Variants in DCP1A observed in about 807,000 individuals in gnomAD.
DCP1A encodes decapping mRNA 1A, also known as mRNA-decapping enzyme 1A.
A neutral mutation model predicts 58.0 loss-of-function variants in DCP1A; 20 were observed. The observed-to-expected ratio is 0.34, with a 90% CI of 0.24 to 0.50. DCP1A has a LOEUF of 0.50. DCP1A is among the 20% of genes least tolerant of loss of function. The pLI is 0.98. For synonymous variants in DCP1A, 285 were observed against 275.1 expected (o/e 1.04, Z -0.36); for missense variants, 613 against 712.2 (o/e 0.86, Z 1.59).
chr3:53,333,880 C>G (rs1156455399), intron 3 of DCP1A, among the ~76,000 whole-genome samples: 2 of 152,136 alleles, frequency 1.3e-5, no homozygotes, highest in South Asian at 2.1e-4. Flanking sequence ...GAGACACCAG[C>G]CTTTTTTGCT....
intron 3 of DCP1A, among the ~76,000 whole-genome samples, chr3:53,329,694 G>A (rs1034205808): frequency 5.3e-5 from 8 of 152,152 alleles, no homozygotes; most frequent in African/African-American, 1.9e-4. Context: ...TTCGGGAAAT[G>A]TCTGTGTTCT....
At chr3:53,340,918 A>G (rs2089192415) in intron 3 of DCP1A, among the ~76,000 whole-genome samples, 1 of 152,158 alleles carries the variant, frequency 6.6e-6, no homozygotes, top group African/African-American at 2.4e-5. Flanking sequence ...TAACTCTCCA[A>G]CAGGGTAATA....
Position 53,347,372 on chromosome 3 carries a change from G to T in DCP1A, c.135+11C>A. ...GCCGGGTGGCCGTCCTCAGGGCCAG[G>T]CGGCACTCACCCACTGGTTGGCCTT... On this transcript the variant is annotated intron_variant, in intron 1 of 9. Transcript: ENST00000610213. The T allele has an allele frequency of 1.3e-6, 2 of 1,579,042 alleles. No individual in the cohort carries two copies. Among genetic ancestry groups the T allele is most frequent in the Non-Finnish European group, 1.7e-6 (2 of 1,162,922 alleles).
At chr3:53,316,019 G>A (rs938338679) in intron 4 of DCP1A, among the ~76,000 whole-genome samples, 3 of 151,982 alleles carry the variant, frequency 2.0e-5, no homozygotes, top group African/African-American at 7.3e-5. Flanking sequence ...CTCCCAAAGC[G>A]CTGGGATTAC....
intron 1 of DCP1A, 102 bp downstream of exon 1, chr3:53,347,281 C>G (rs561645294): frequency 7.4e-7 from 1 of 1,352,210 alleles, no homozygotes; most frequent in Non-Finnish European, 9.6e-7. Flanking sequence ...TCTCCACCGC[C>G]CTGGCCTCTT....
intron 6 of DCP1A, among the ~76,000 whole-genome samples, chr3:53,300,268 A>G (rs917273043): frequency 7.9e-5 from 12 of 151,340 alleles, no homozygotes; most frequent in African/African-American, 2.9e-4. Flanking sequence ...ACGCAGTGCT[A>G]TTGTTGAAAG....
intron 5 of DCP1A, among the ~76,000 whole-genome samples, chr3:53,308,991 G>A (rs2106829494): frequency 6.6e-6 from 1 of 152,148 alleles, no homozygotes; most frequent in Non-Finnish European, 1.5e-5. Context: ...GCACCCCCCT[G>A]ACCAAAATCC....
At chr3:53,327,720 G>C (rs557954040) in intron 3 of DCP1A, among the ~76,000 whole-genome samples, 2 of 151,938 alleles carry the variant, frequency 1.3e-5, no homozygotes, top group East Asian at 1.9e-4. Context: ...GAGCCTGGGA[G>C]GCAGAGGTTG....
chr3:53,320,883 G>C (rs1258001843), intron 3 of DCP1A, among the ~76,000 whole-genome samples: 1 of 152,230 alleles, frequency 6.6e-6, no homozygotes, highest in Admixed American at 6.5e-5. Context: ...AGAAGTCATA[G>C]AAGACTGCTG....
chr3:53,287,992 C>G (rs1369940577), intron 9 of DCP1A, 73 bp downstream of exon 9: 79 of 1,408,840 alleles, frequency 5.6e-5, no homozygotes, highest in Non-Finnish European at 7.0e-5. Context: ...TGAACTGATT[C>G]TGTAAGAGGA....
chr3:53,283,597 C>T lies in DCP1A; in HGVS notation c.*3983G>A, dbSNP rs1046449614. On this transcript the variant is annotated 3_prime_UTR_variant, in exon 10 of 10. Coordinates refer to ENST00000610213, the MANE Select transcript of DCP1A (RefSeq NM_018403.7). The stretch of plus-strand genomic sequence containing the variant: ...TAAAAATGTTAATGATACAGTATTG[C>T]GCTCATGGAACAAAAATCTTGCTGT... 3 of 152,162 alleles carry T rather than the reference C, an allele frequency of 2.0e-5. No individual in the cohort carries two copies. Among genetic ancestry groups the T allele is most frequent in the African/African-American group, 4.8e-5 (2 of 41,442 alleles). The allele number at this position is 152,162 out of a possible 1,614,324, so 9.4% of individuals were successfully genotyped here.
chr3:53,326,467 C>T (rs1553690578), intron 3 of DCP1A, among the ~76,000 whole-genome samples: 2 of 152,214 alleles, frequency 1.3e-5, no homozygotes, highest in Non-Finnish European at 1.5e-5. Context: ...TCCCCAACCT[C>T]AGGGTCACGG....
intron 1 of DCP1A, 42 bp downstream of exon 1, chr3:53,347,341 G>C (rs782118493): frequency 5.3e-6 from 8 of 1,505,238 alleles, no homozygotes; most frequent in Non-Finnish European, 7.1e-6. Flanking sequence ...TTAAGAGACG[G>C]CAGCGGCCGG....
intron 3 of DCP1A, among the ~76,000 whole-genome samples, chr3:53,328,194 A>G (rs1575614993): frequency 6.6e-6 from 1 of 152,088 alleles, no homozygotes; most frequent in South Asian, 2.1e-4. Flanking sequence ...AGTGACTCAG[A>G]CCTGCCTGGA....
Position 53,312,398 on chromosome 3 carries a change from GT to G in DCP1A, c.372-20del. The stretch of plus-strand genomic sequence containing the variant: ...TACCACACTAGAGGAGAAGAACAAG[GT>G]TTTAGAAAGGCCTCTTGAAACAAAA... On this transcript the variant is annotated intron_variant, in intron 4 of 9. Transcript: ENST00000610213. 1.3e-6 allele frequency: 2 copies of G among 1,543,656 alleles called. No homozygotes were observed. The highest frequency in any genetic ancestry group is 1.2e-5 in the South Asian group (1 of 81,584).
At chr3:53,318,148 C>G (rs1235991858) in intron 4 of DCP1A, among the ~76,000 whole-genome samples, 9 of 152,066 alleles carry the variant, frequency 5.9e-5, no homozygotes, top group Middle Eastern at 6.8e-3. Flanking sequence ...TACCCACCCC[C>G]CAAAAAATTA....
intron 4 of DCP1A, among the ~76,000 whole-genome samples, chr3:53,316,846 CTTCTT>C (rs1465839907): frequency 6.6e-6 from 1 of 152,140 alleles, no homozygotes; most frequent in African/African-American, 2.4e-5. Context: ...CCCCAATGCT[CTTCTT>C]TTCCCTTCCA....
intron 6 of DCP1A, among the ~76,000 whole-genome samples, chr3:53,303,832 C>T (rs1707382977): frequency 6.6e-6 from 1 of 152,144 alleles, no homozygotes; most frequent in African/African-American, 2.4e-5. Context: ...CCTCGTGGGC[C>T]ACTGTCATGA....
chr3:53,305,260 G>A (rs782068955), intron 5 of DCP1A, among the ~76,000 whole-genome samples: 18 of 152,200 alleles, frequency 1.2e-4, no homozygotes, highest in Non-Finnish European at 2.6e-4. Context: ...TTCACTCACA[G>A]AAGCACATCT....
Sources: allele counts gnomAD v4.1 joint callset (sites outside exome capture counted in the v4.1 genomes callset), GRCh38; gene constraint gnomAD v4.1.1; transcripts MANE v1.5; gene names NCBI Gene and HGNC (gene_info 2026-07-23, HGNC 2026-07-21).